The following SLC36A1 variants were observed in gnomAD, a reference collection of about 807,000 sequenced individuals.
The protein encoded by SLC36A1 is solute carrier family 36 member 1.
Under a neutral mutation model 47.5 loss-of-function variants are expected in SLC36A1, and 30 were observed. The observed-to-expected ratio is 0.63, with a 90% confidence interval of 0.47 to 0.86. The LOEUF (loss-of-function observed/expected upper bound fraction) is 0.86, where lower values mean the gene tolerates loss of function less well. Among genes scored for constraint, SLC36A1 ranks in the 40% least tolerant of loss-of-function variants. SLC36A1 has a pLI of 0.00. For missense variants in SLC36A1, 517 were observed against 606.0 expected, an observed-to-expected ratio of 0.85 and a Z score of 1.54; for synonymous variants, 255 against 249.7, an observed-to-expected ratio of 1.02 and a Z score of -0.20.
the SLC36A1 span, among the ~76,000 whole-genome samples, chr5:151,430,030 G>T: frequency 1.6e-4 from 25 of 152,070 alleles, no homozygotes; most frequent in Non-Finnish European, 2.8e-4. Context: ...CATTCATTTT[G>T]CAAACCTTTA....
intron 10 of SLC36A1, among the ~76,000 whole-genome samples, chr5:151,482,086 T>C (rs1227505841): frequency 6.6e-6 from 1 of 152,192 alleles, no homozygotes; most frequent in African/African-American, 2.4e-5. Context: ...AATCGCATCA[T>C]CCAAGAAGCC....
At chr5:151,428,657 G>A in the SLC36A1 span, among the ~76,000 whole-genome samples, 3 of 151,604 alleles carry the variant, frequency 2.0e-5, no homozygotes, top group African/African-American at 4.9e-5. Context: ...TTTTTAGACC[G>A]AGTCTCACTC....
chr5:151,499,362 A>G, the SLC36A1 span, among the ~76,000 whole-genome samples: 26,736 of 152,078 alleles, frequency 0.18, 2,429 homozygotes, highest in Non-Finnish European at 0.21. Context: ...TGGGTCTGGC[A>G]CCCTAGCAGG....
the SLC36A1 span, chr5:151,527,241 G>A: frequency 6.2e-7 from 1 of 1,609,582 alleles, no homozygotes; most frequent in African/African-American, 1.3e-5. Context: ...TACCTGGACA[G>A]TGGTGCTGTA....
chr5:151,514,039 T>G, the SLC36A1 span, among the ~76,000 whole-genome samples: 3 of 152,320 alleles, frequency 2.0e-5, no homozygotes, highest in Admixed American at 6.5e-5. Context: ...TTCTGGTCAC[T>G]TTGGGCTAGG....
At chr5:151,394,193 A>G in the SLC36A1 span, among the ~76,000 whole-genome samples, 2 of 152,160 alleles carry the variant, frequency 1.3e-5, no homozygotes, top group African/African-American at 2.4e-5. Flanking sequence ...AGTTGATTGA[A>G]TCAGCTACTG....
chr5:151,468,769 A>G (rs983422229), intron 7 of SLC36A1, among the ~76,000 whole-genome samples: 2 of 152,110 alleles, frequency 1.3e-5, no homozygotes, highest in Non-Finnish European at 2.9e-5. Flanking sequence ...TGATCATTGT[A>G]TACAGTTGGA....
the SLC36A1 span, chr5:151,378,373 TG>T: frequency 5.5e-6 from 1 of 181,166 alleles, no homozygotes; most frequent in Non-Finnish European, 1.2e-5. Flanking sequence ...TCAGCAAAAT[TG>T]GGGTCTTTGC....
At chr5:151,546,314 T>C in the SLC36A1 span, 1 of 1,613,230 alleles carries the variant, frequency 6.2e-7, no homozygotes, top group East Asian at 2.2e-5. Flanking sequence ...AGGGCATTGA[T>C]GTTGAAGAAA....
intron 1 of SLC36A1, among the ~76,000 whole-genome samples, chr5:151,449,746 C>T (rs1753345418): frequency 6.6e-6 from 1 of 152,222 alleles, no homozygotes; most frequent in Admixed American, 6.5e-5. Context: ...ACACTGAGCA[C>T]GGAGCTCCCT....
chr5:151,354,234 G>C, the SLC36A1 span, among the ~76,000 whole-genome samples: 1 of 152,224 alleles, frequency 6.6e-6, no homozygotes, highest in Non-Finnish European at 1.5e-5. Flanking sequence ...AACCTGGGAG[G>C]TGGAGGGTGC....
the SLC36A1 span, among the ~76,000 whole-genome samples, chr5:151,357,087 G>C: frequency 6.6e-6 from 1 of 152,178 alleles, no homozygotes; most frequent in Non-Finnish European, 1.5e-5. Context: ...TACAGATAAG[G>C]AACTCGAAGT....
intron 1 of SLC36A1, among the ~76,000 whole-genome samples, chr5:151,458,356 T>C (rs55966083): frequency 0.39 from 49,976 of 129,556 alleles, 9,224 homozygotes; most frequent in East Asian, 0.61. Flanking sequence ...TATATATATA[T>C]ACACACACGA....
intron 5 of SLC36A1, among the ~76,000 whole-genome samples, chr5:151,465,535 T>G (rs1756224859): frequency 2.0e-5 from 3 of 152,204 alleles, no homozygotes; most frequent in African/African-American, 7.2e-5. Flanking sequence ...AGGGAAGATT[T>G]CCTGAAGTAA....
the SLC36A1 span, chr5:151,521,528 G>A: frequency 2.5e-6 from 4 of 1,614,094 alleles, no homozygotes; most frequent in Non-Finnish European, 3.4e-6. Flanking sequence ...GTTCCAGAAT[G>A]CCCCTCAAAG....
the SLC36A1 span, among the ~76,000 whole-genome samples, chr5:151,417,350 T>C: frequency 6.6e-6 from 1 of 152,206 alleles, no homozygotes; most frequent in Non-Finnish European, 1.5e-5. Flanking sequence ...AAGTCCAGGC[T>C]GAGGTGGTCT....
the SLC36A1 span, among the ~76,000 whole-genome samples, chr5:151,388,328 C>T: frequency 3.2e-3 from 483 of 151,986 alleles, 7 homozygotes; most frequent in African/African-American, 0.011. Flanking sequence ...ATGGAAAAAC[C>T]CCCTCTCTAC....
chr5:151,439,668 G>GAA (rs202220864), intron 1 of SLC36A1, among the ~76,000 whole-genome samples: 4 of 133,478 alleles, frequency 3.0e-5, no homozygotes, highest in African/African-American at 1.1e-4. Context: ...AAAAAGAAAA[G>GAA]AAAAAAAAAA....
At chr5:151,374,410 C>T in the SLC36A1 span, among the ~76,000 whole-genome samples, 1 of 152,156 alleles carries the variant, frequency 6.6e-6, no homozygotes, top group Non-Finnish European at 1.5e-5. Flanking sequence ...ATACAAGAAC[C>T]TTTCAATGTG....
Sources: gnomAD v4.1 joint callset for allele counts (sites outside exome capture counted in the v4.1 genomes callset) on GRCh38, gnomAD v4.1.1 for gene constraint, MANE v1.5 for transcripts, NCBI Gene and HGNC (gene_info 2026-07-23, HGNC 2026-07-21) for gene names.